NYX: variants seen among roughly 807,000 people sequenced by gnomAD.
NYX encodes leucine-rich repeat protein.
For synonymous variants in NYX, 258 were observed against 245.7 expected (o/e 1.05, Z -0.47); for missense variants, 481 against 485.4 (o/e 0.99, Z 0.09).
intron 2 of NYX, among the ~76,000 whole-genome samples, chrX:41,448,278 T>G (rs1434688897): frequency 8.9e-6 from 1 of 111,780 alleles, no homozygotes; most frequent in Non-Finnish European, 1.9e-5. Flanking sequence ...AGTCTCGCTC[T>G]GTCACCCAGG....
intron 2 of NYX, among the ~76,000 whole-genome samples, chrX:41,449,982 T>C (rs1306437665): frequency 9.2e-6 from 1 of 109,248 alleles, no homozygotes; most frequent in African/African-American, 3.3e-5. Context: ...AGAAAGAAAA[T>C]GACTAAGTGA....
At position 41,473,874 on chromosome X, in the gene NYX, G is replaced by A. The variant is rs749756646; in HGVS notation, c.406G>A (p.Asp136Asn). Residue 136 changes from aspartate to asparagine, a missense_variant, in exon 3 of 3, where the codon GAC becomes AAC. Transcript: ENST00000378220. ...GGCGCTCAGCCGCCTGCGCCGCCTA[G>A]ACCTAGCAGCCTGCCGCCTCTTCAG... ...FAALSRLRRLDLAACRLFSVP... is the reference protein window; with the variant it reads ...FAALSRLRRLNLAACRLFSVP... 1.8e-6 allele frequency: 2 copies of A among 1,128,378 alleles called. No individual in the cohort carries two copies. The highest frequency in any genetic ancestry group is 4.0e-5 in the South Asian group (2 of 50,560). The allele number at this position is 1,128,378 out of a possible 1,213,427, so 93.0% of individuals were successfully genotyped here.
chrX:41,467,390 GTCAC>G (rs2064344477), intron 2 of NYX, among the ~76,000 whole-genome samples: 1 of 110,203 alleles, frequency 9.1e-6, no homozygotes, highest in Admixed American at 9.9e-5. Flanking sequence ...GTCTCACTGT[GTCAC>G]TCAGGCTGGA....
chrX:41,472,397 A>G (rs1186613126), intron 2 of NYX: 2 of 1,158,734 alleles, frequency 1.7e-6, no homozygotes, highest in African/African-American at 3.5e-5. Context: ...GGCCACACGC[A>G]CACCCTCGTG....
chrX:41,467,454 A>G (rs1298390532), intron 2 of NYX, among the ~76,000 whole-genome samples: 1 of 110,114 alleles, frequency 9.1e-6, no homozygotes, highest in African/African-American at 3.3e-5. Context: ...CCCGGGTTCA[A>G]GCGATTCTTG....
chrX:41,457,574 T>TG (rs201462863), intron 2 of NYX, among the ~76,000 whole-genome samples: 4 of 95,923 alleles, frequency 4.2e-5, no homozygotes, highest in African/African-American at 1.5e-4. Context: ...TGGCTCCTGC[T>TG]CCCCCATAAC....
chrX:41,473,894 C>T lies in NYX; in HGVS notation c.426C>T (p.Leu142=), dbSNP rs1049880049. The change falls in exon 3 of 3, where the codon CTC becomes CTT. Residue 142 remains leucine, a synonymous_variant. Coordinates refer to ENST00000378220, the MANE Select transcript of NYX (RefSeq NM_001378477.3). ...LRRLDLAACR[L]FSVPERLLAE... is the part of the protein sequence containing the mutation. Reference sequence around the variant, plus strand: ...GCCTAGACCTAGCAGCCTGCCGCCTCTTCAGCGTGCCCGAGCGCCTCCTGG... The same window carrying T: ...GCCTAGACCTAGCAGCCTGCCGCCTTTTCAGCGTGCCCGAGCGCCTCCTGG... 2.7e-6 allele frequency: 3 copies of T among 1,128,215 alleles called. No individual in the cohort carries two copies. Among genetic ancestry groups the T allele is most frequent in the Non-Finnish European group, 3.5e-6 (3 of 860,832 alleles). 93.0% of individuals were successfully genotyped at this position (1,128,215 alleles called of 1,213,427 possible).
intron 2 of NYX, among the ~76,000 whole-genome samples, chrX:41,468,538 G>A (rs1305857272): frequency 3.6e-5 from 4 of 111,821 alleles, no homozygotes; most frequent in Admixed American, 9.5e-5. Flanking sequence ...TGATCTGCAC[G>A]CCTTGGCCTC....
chrX:41,471,262 C>T (rs185414265), intron 2 of NYX, among the ~76,000 whole-genome samples: 1 of 111,311 alleles, frequency 9.0e-6, no homozygotes, highest in African/African-American at 3.3e-5. Context: ...CAGGTGCCCA[C>T]CACCATGCCC....
At chrX:41,472,615 C>T in intron 2 of NYX, 1 of 480,511 alleles carries the variant, frequency 2.1e-6, no homozygotes, top group Non-Finnish European at 3.7e-6. Flanking sequence ...CTCGGGGCAG[C>T]CGGAGCACAG....
At chrX:41,464,083 G>A (rs975321244) in intron 2 of NYX, among the ~76,000 whole-genome samples, 1 of 110,765 alleles carries the variant, frequency 9.0e-6, no homozygotes. Context: ...TTACTGGAGA[G>A]AGAGAGAATT....
chrX:41,449,918 A>G (rs2064272701), intron 2 of NYX, among the ~76,000 whole-genome samples: 1 of 111,751 alleles, frequency 8.9e-6, no homozygotes, highest in South Asian at 3.7e-4. Context: ...CACAAGCAAT[A>G]CGGACAATAT....
chrX:41,452,984 T>A (rs1569262553), intron 2 of NYX, among the ~76,000 whole-genome samples: 1 of 112,069 alleles, frequency 8.9e-6, no homozygotes, highest in East Asian at 2.8e-4. Context: ...TTGCCAAGAA[T>A]GGAAGGAAAG....
At chrX:41,454,615 CTTT>C (rs35587922) in intron 2 of NYX, among the ~76,000 whole-genome samples, 4 of 106,438 alleles carry the variant, frequency 3.8e-5, no homozygotes, top group Non-Finnish European at 1.9e-5. Flanking sequence ...CCGGCTGATC[CTTT>C]TTTTTTAAGA....
intron 2 of NYX, among the ~76,000 whole-genome samples, chrX:41,463,583 C>T (rs1183775500): frequency 9.0e-6 from 1 of 110,780 alleles, no homozygotes. Flanking sequence ...CCACCACACC[C>T]AGCTAATTTT....
Position 41,473,516 on chromosome X carries a change from C to T in NYX, c.48C>T (p.Ala16=). The change falls in exon 3 of 3, where the codon GCC becomes GCT. Residue 16 remains alanine, a synonymous_variant. Coordinates refer to ENST00000378220, the MANE Select transcript of NYX (RefSeq NM_001378477.3). ...LHAVVLGLPS[A]WAVGACARAC... is the part of the protein sequence containing the mutation. ...CGGTGGTCCTCGGCCTGCCCAGCGC[C>T]TGGGCCGTGGGGGCCTGCGCCCGCG... 2.0e-6 allele frequency: 2 copies of T among 993,056 alleles called. No individual in the cohort carries two copies. The highest frequency in any genetic ancestry group is 2.5e-6 in the Non-Finnish European group (2 of 787,204). The allele number at this position is 993,056 out of a possible 1,213,427, so 81.8% of individuals were successfully genotyped here. A position where few individuals can be genotyped will look rare whatever the true frequency, so the allele number is the denominator to read the frequency against.
At chrX:41,448,247 T>C (rs753828672) in intron 2 of NYX, among the ~76,000 whole-genome samples, 57 of 111,585 alleles carry the variant, frequency 5.1e-4, no homozygotes, top group Non-Finnish European at 9.8e-4. Flanking sequence ...TTTTTTTGTT[T>C]TGTTTTGTTT....
At chrX:41,459,359 C>T (rs2064309926) in intron 2 of NYX, among the ~76,000 whole-genome samples, 1 of 110,845 alleles carries the variant, frequency 9.0e-6, no homozygotes, top group South Asian at 3.8e-4. Context: ...TGGCTTATGC[C>T]TGTAATCCCA....
chrX:41,456,264 A>G lies in NYX; in HGVS notation c.22+8338A>G, dbSNP rs932935602. Among the ~76,000 whole-genome samples the G allele has an allele frequency of 2.7e-5, 3 of 111,323 alleles. No homozygotes were observed. The East Asian group carries it at 8.4e-4, about 31-fold the overall frequency. ...GGCAGGAGAATCGCTTGAACCCGGG[A>G]GGCAGAGGTTGCAGTGAGCTGAGAT... On this transcript the variant is annotated intron_variant, in intron 2 of 2. Transcript: ENST00000378220.
Sources: allele counts gnomAD v4.1 joint callset (sites outside exome capture counted in the v4.1 genomes callset), GRCh38; gene constraint gnomAD v4.1.1; transcripts MANE v1.5; gene names NCBI Gene and HGNC (gene_info 2026-07-23, HGNC 2026-07-21).